The following PTPRD variants were observed in gnomAD, a reference collection of about 807,000 sequenced individuals.
PTPRD encodes receptor-type tyrosine-protein phosphatase delta.
In PTPRD, 34 loss-of-function variants were observed where a neutral mutation model predicts 214.5. The ratio of observed to expected loss-of-function variants is 0.16; its 90% confidence interval spans 0.12 to 0.21. The LOEUF is 0.21. Among genes scored for constraint, PTPRD ranks in the 10% least tolerant of loss-of-function variants. PTPRD has a pLI of 1.00. For missense variants in PTPRD, 2,545 were observed against 2,398.7 expected (o/e 1.06, Z -1.27); for synonymous variants, 1,128 against 845.7 (o/e 1.33, Z -5.79).
At chr9:8,855,524 T>C (rs2097899713) in intron 11 of PTPRD, among the ~76,000 whole-genome samples, 1 of 152,170 alleles carries the variant, frequency 6.6e-6, no homozygotes, top group Admixed American at 6.6e-5. Context: ...AATAATACAT[T>C]ACTCAACTAT....
At chr9:10,471,915 A>G (rs2099033559) in intron 2 of PTPRD, among the ~76,000 whole-genome samples, 1 of 152,092 alleles carries the variant, frequency 6.6e-6, no homozygotes, top group African/African-American at 2.4e-5. Context: ...AAGATAATAA[A>G]TATCAAAGAA....
intron 8 of PTPRD, among the ~76,000 whole-genome samples, chr9:9,475,865 C>T (rs924055210): frequency 1.3e-5 from 2 of 152,122 alleles, no homozygotes; most frequent in Non-Finnish European, 2.9e-5. Flanking sequence ...GATCACACAG[C>T]TCTAGAAATA....
At chr9:10,084,024 A>G (rs1304433306) in intron 3 of PTPRD, among the ~76,000 whole-genome samples, 2 of 151,978 alleles carry the variant, frequency 1.3e-5, no homozygotes, top group African/African-American at 4.8e-5. Context: ...TAGATAGATC[A>G]TTTAAACTTC....
chr9:10,121,338 A>T (rs553652763), intron 3 of PTPRD, among the ~76,000 whole-genome samples: 2 of 152,278 alleles, frequency 1.3e-5, no homozygotes, highest in South Asian at 4.1e-4. Context: ...ATACATTTCA[A>T]TTTGGAAGCA....
chr9:10,226,961 A>C (rs2154353160), intron 3 of PTPRD, among the ~76,000 whole-genome samples: 1 of 152,160 alleles, frequency 6.6e-6, no homozygotes, highest in South Asian at 2.1e-4. Flanking sequence ...CAAGGAATAT[A>C]ATGTTTTTGT....
chr9:9,499,905 A>T (rs2096347776), intron 8 of PTPRD, among the ~76,000 whole-genome samples: 1 of 152,064 alleles, frequency 6.6e-6, no homozygotes, highest in South Asian at 2.1e-4. Context: ...TTGCCAATAA[A>T]CTGCAATGAA....
At chr9:9,660,144 AT>A (rs1457570585) in intron 7 of PTPRD, among the ~76,000 whole-genome samples, 2 of 152,168 alleles carry the variant, frequency 1.3e-5, no homozygotes, top group African/African-American at 4.8e-5. Context: ...CACTTCAAAA[AT>A]TTCATGTAAT....
At chr9:9,398,233 C>T (rs2068675315) in intron 8 of PTPRD, among the ~76,000 whole-genome samples, 1 of 151,744 alleles carries the variant, frequency 6.6e-6, no homozygotes, top group Non-Finnish European at 1.5e-5. Flanking sequence ...TAGAGGTTGT[C>T]TTGACACCTA....
intron 7 of PTPRD, among the ~76,000 whole-genome samples, chr9:9,732,396 GT>G: frequency 6.6e-6 from 1 of 152,038 alleles, no homozygotes; most frequent in Non-Finnish European, 1.5e-5. Context: ...CCATCACCTG[GT>G]AGTATATTAA....
chr9:8,787,199 T>C (rs551516227), intron 11 of PTPRD, among the ~76,000 whole-genome samples: 37 of 152,168 alleles, frequency 2.4e-4, no homozygotes, highest in Non-Finnish European at 3.7e-4. Context: ...TCCTTTTCCA[T>C]AGTTACCTTG....
intron 21 of PTPRD, among the ~76,000 whole-genome samples, chr9:8,516,547 C>G (rs1232545993): frequency 2.0e-5 from 3 of 151,996 alleles, no homozygotes; most frequent in African/African-American, 7.2e-5. Flanking sequence ...GTCAGTGATT[C>G]ACAGGTATCA....
chr9:10,362,280 G>A (rs2097407394), intron 2 of PTPRD, among the ~76,000 whole-genome samples: 1 of 151,572 alleles, frequency 6.6e-6, no homozygotes, highest in Admixed American at 6.6e-5. Context: ...GCATTGCCCT[G>A]TGAACTTTGT....
intron 7 of PTPRD, among the ~76,000 whole-genome samples, chr9:9,647,533 A>G (rs1160918797): frequency 6.6e-6 from 1 of 152,180 alleles, no homozygotes; most frequent in Non-Finnish European, 1.5e-5. Context: ...TGTATTACCT[A>G]TAAGAGACCA....
intron 8 of PTPRD, among the ~76,000 whole-genome samples, chr9:9,444,663 G>A (rs1441571709): frequency 6.6e-6 from 1 of 152,094 alleles, no homozygotes. Context: ...AAGTTAGACT[G>A]GGGTAGGAGT....
chr9:9,986,589 T>G (rs538621536), intron 4 of PTPRD, among the ~76,000 whole-genome samples: 1 of 152,284 alleles, frequency 6.6e-6, no homozygotes, highest in South Asian at 2.1e-4. Context: ...GCTTGTATTG[T>G]TTTCTTAATA....
intron 14 of PTPRD, among the ~76,000 whole-genome samples, chr9:8,581,015 A>G (rs73421097): frequency 3.1e-3 from 466 of 152,260 alleles, no homozygotes; most frequent in African/African-American, 0.011. Context: ...GTATATATTC[A>G]TATTTATCGT....
At chr9:9,765,446 T>C (rs999973325) in intron 6 of PTPRD, among the ~76,000 whole-genome samples, 65 of 152,266 alleles carry the variant, frequency 4.3e-4, no homozygotes, top group African/African-American at 1.5e-3. Flanking sequence ...TTTATTTCAA[T>C]GTAAAATTAC....
Position 10,225,524 on chromosome 9 carries a change from A to T in PTPRD, c.-545+115439T>A, listed in dbSNP as rs981509134. Among the ~76,000 whole-genome samples, 8 of 152,166 alleles carry T rather than the reference A, an allele frequency of 5.3e-5. No individual in the cohort carries two copies. The South Asian group carries it at 8.3e-4, about 16-fold the overall frequency. ...TTGGCACTGCTTTTATTGGCTAGAC[A>T]ATGGATCATGAGAAAATGAAATATT... On this transcript the variant is annotated intron_variant, in intron 3 of 45. Coordinates refer to ENST00000381196, the MANE Select transcript of PTPRD (RefSeq NM_002839.4).
At chr9:9,693,886 C>G (rs2097321709) in intron 7 of PTPRD, among the ~76,000 whole-genome samples, 1 of 152,186 alleles carries the variant, frequency 6.6e-6, no homozygotes, top group Non-Finnish European at 1.5e-5. Context: ...TTAAGAGACT[C>G]TGTTGCATTC....
Sources: allele counts gnomAD v4.1 joint callset (sites outside exome capture counted in the v4.1 genomes callset), GRCh38; gene constraint gnomAD v4.1.1; transcripts MANE v1.5; gene names NCBI Gene and HGNC (gene_info 2026-07-23, HGNC 2026-07-21).